The following PHEX variants were observed in gnomAD, a reference collection of about 807,000 sequenced individuals.
PHEX encodes the protein phosphate-regulating neutral endopeptidase PHEX.
A neutral mutation model predicts 68.0 loss-of-function variants in PHEX; 16 were observed. The ratio of observed to expected loss-of-function variants is 0.24; its 90% CI spans 0.16 to 0.36. The LOEUF is 0.36. Ranked by LOEUF, PHEX falls within the 10% of genes least tolerant of loss-of-function variation. The probability of loss-of-function intolerance (pLI) is 1.00; values close to 1 mark genes in which losing one functional copy is unlikely to be tolerated. For missense variants in PHEX, 480 were observed against 575.5 expected, an observed-to-expected ratio of 0.83 and a Z score of 1.70; for synonymous variants, 208 against 205.1, an observed-to-expected ratio of 1.01 and a Z score of -0.12.
intron 11 of PHEX, among the ~76,000 whole-genome samples, chrX:22,130,577 G>A (rs1159750695): frequency 9.4e-6 from 1 of 106,324 alleles, no homozygotes; most frequent in African/African-American, 3.5e-5. Flanking sequence ...AAAAAACTTA[G>A]GCATGCTGAT....
At chrX:22,234,833 CCACACACA>C (rs61094602) in intron 20 of PHEX, among the ~76,000 whole-genome samples, 57 of 86,629 alleles carry the variant, frequency 6.6e-4, no homozygotes, top group Middle Eastern at 6.4e-3. Flanking sequence ...AAAAAAAAAA[CCACACACA>C]CACACACAGA....
chrX:22,247,709 C>A, intron 21 of PHEX, 142 bp from the exon 22 acceptor site: 1 of 488,836 alleles, frequency 2.0e-6, no homozygotes, highest in Non-Finnish European at 3.6e-6. Context: ...TTTACTTAAT[C>A]ATTTTGGGCT....
At position 22,248,016 on chromosome X, in the gene PHEX, C is replaced by A; in HGVS notation, c.*63C>A. The A allele has an allele frequency of 2.6e-6, 2 of 778,855 alleles. No homozygotes were observed. The highest frequency in any genetic ancestry group is 4.0e-6 in the Non-Finnish European group (2 of 501,305). The allele number at this position is 778,855 out of a possible 1,213,427, so 64.2% of individuals were successfully genotyped here. On this transcript the variant is annotated 3_prime_UTR_variant, in exon 22 of 22. Transcript: ENST00000379374. ...CAGTGCCAGCGGAGGCTGCACTGAG[C>A]CTTCATCGCCCATTGCTTTAGGCCT... is the stretch of plus-strand genomic sequence containing the variant.
chrX:22,249,085 A>G lies in PHEX; in HGVS notation c.*1132A>G, dbSNP rs1012374771. 1 of 110,234 alleles carries G rather than the reference A, an allele frequency of 9.1e-6. No homozygotes were observed. Among genetic ancestry groups the G allele is most frequent in the Non-Finnish European group, 1.9e-5 (1 of 52,876 alleles). 9.1% of individuals were successfully genotyped at this position (110,234 alleles called of 1,213,427 possible). A position where few individuals can be genotyped will look rare whatever the true frequency, so the allele number is the denominator to read the frequency against. On this transcript the variant is annotated 3_prime_UTR_variant, in exon 22 of 22. Transcript: ENST00000379374. ...ATTGATTCAATTTAAAATTCCCTGC[A>G]TAGTCCAAATAAACATAATTTTTAC...
rs16981873 is a variant in PHEX, at chrX:22,227,205, C to T, written c.1966-302C>T. The stretch of plus-strand genomic sequence containing the variant: ...AAATGTATTGCCATAGGGGCCTTGC[C>T]ATTGTGTTAGATTTGTTTGTCCCCT... On this transcript the variant is annotated intron_variant, in intron 19 of 21. Coordinates refer to ENST00000379374, the MANE Select transcript of PHEX (RefSeq NM_000444.6). Among the ~76,000 whole-genome samples the T allele has an allele frequency of 0.034, 3,806 of 112,121 alleles. 158 individuals are homozygous for T. Among genetic ancestry groups the T allele is most frequent in the African/African-American group, 0.12 (3,606 of 30,816 alleles).
chrX:22,105,399 G>C (rs1306160402), intron 9 of PHEX, among the ~76,000 whole-genome samples: 2 of 111,927 alleles, frequency 1.8e-5, no homozygotes, highest in African/African-American at 6.5e-5. Flanking sequence ...CAGTCTGCTG[G>C]CCCCCCACCC....
chrX:22,046,718 C>T (rs1669307834), intron 2 of PHEX, among the ~76,000 whole-genome samples: 1 of 110,069 alleles, frequency 9.1e-6, no homozygotes, highest in Admixed American at 9.8e-5. Flanking sequence ...AGGCATGCAT[C>T]ACCATATCTG....
At chrX:22,183,818 C>G (rs1378793654) in intron 14 of PHEX, among the ~76,000 whole-genome samples, 1 of 111,424 alleles carries the variant, frequency 9.0e-6, no homozygotes, top group Admixed American at 9.5e-5. Context: ...TACAGTCAGT[C>G]TAATTGTTTG....
intron 15 of PHEX, among the ~76,000 whole-genome samples, chrX:22,206,156 G>A (rs1336808612): frequency 8.9e-6 from 1 of 112,168 alleles, no homozygotes; most frequent in Non-Finnish European, 1.9e-5. Flanking sequence ...TCATCTAGAA[G>A]GAAAATGAAA....
At chrX:22,164,080 T>C (rs1412074396) in intron 12 of PHEX, among the ~76,000 whole-genome samples, 1 of 111,653 alleles carries the variant, frequency 9.0e-6, no homozygotes, top group Non-Finnish European at 1.9e-5. Context: ...CACATATCTG[T>C]ATAAGGCTAC....
At chrX:22,164,969 A>G (rs751720805) in intron 12 of PHEX, among the ~76,000 whole-genome samples, 3 of 112,287 alleles carry the variant, frequency 2.7e-5, no homozygotes, top group Non-Finnish European at 5.6e-5. Context: ...TCTGTGAAAC[A>G]GCAAAACCCA....
At chrX:22,091,862 C>T (rs1929900115) in intron 6 of PHEX, among the ~76,000 whole-genome samples, 1 of 112,079 alleles carries the variant, frequency 8.9e-6, no homozygotes, top group South Asian at 3.7e-4. Flanking sequence ...GGAGCAAAGT[C>T]ACGTCTTACA....
chrX:22,168,302 C>T lies in PHEX; in HGVS notation c.1405-10C>T. ...AACTCTGACATTATTTTTCTTTTTC[C>T]TTTTTGTAGGCGAGAGCTGTTTTGG... On this transcript the variant is annotated splice_polypyrimidine_tract_variant and intron_variant, in intron 12 of 21. Coordinates refer to ENST00000379374, the MANE Select transcript of PHEX (RefSeq NM_000444.6). The T allele has an allele frequency of 8.6e-7, 1 of 1,166,267 alleles. No individual in the cohort carries two copies. Among genetic ancestry groups the T allele is most frequent in the Non-Finnish European group, 1.2e-6 (1 of 854,763 alleles).
At chrX:22,233,598 A>G (rs761902562) in intron 20 of PHEX, among the ~76,000 whole-genome samples, 4 of 110,556 alleles carry the variant, frequency 3.6e-5, no homozygotes, top group Non-Finnish European at 5.7e-5. Flanking sequence ...CGCTTGATCA[A>G]TTCGGCTATT....
chrX:22,172,912 C>T (rs1034805257), intron 13 of PHEX: 1 of 110,771 alleles, frequency 9.0e-6, no homozygotes, highest in African/African-American at 3.3e-5. Context: ...GTGATACACA[C>T]ATATATAGAC....
intron 20 of PHEX, among the ~76,000 whole-genome samples, chrX:22,242,365 C>A (rs752966921): frequency 1.8e-5 from 2 of 111,841 alleles, no homozygotes; most frequent in South Asian, 7.4e-4. Context: ...TGAAAACCAG[C>A]ACAAGACAAG....
rs1262185201 is a variant in PHEX at position 22,036,052 on chromosome X, A to ATTTT, written c.119-2416_119-2415insTTTT. Among the ~76,000 whole-genome samples, 17 of 58,388 alleles carry ATTTT rather than the reference A, an allele frequency of 2.9e-4. 1 individual carries two copies. The highest frequency in any genetic ancestry group is 6.6e-4 in the African/African-American group (8 of 12,212). 50.7% of individuals were successfully genotyped at this position (58,388 alleles called of 115,157 possible). ...CACACGTACATATATATATATATATATATTTTTTTTTTTTTTTTTTTTTTT... is the reference window on the plus strand; with the variant it reads ...CACACGTACATATATATATATATATATTTTTATTTTTTTTTTTTTTTTTTTTTTT... On this transcript the variant is annotated intron_variant, in intron 1 of 21. Transcript: ENST00000379374.
intron 3 of PHEX, among the ~76,000 whole-genome samples, chrX:22,052,994 C>T (rs1241500124): frequency 9.0e-6 from 1 of 111,136 alleles, no homozygotes. Flanking sequence ...AAGGAATACC[C>T]ATATCATAGG....
intron 12 of PHEX, among the ~76,000 whole-genome samples, chrX:22,142,623 T>C (rs1457886959): frequency 2.7e-5 from 3 of 112,441 alleles, no homozygotes; most frequent in Non-Finnish European, 5.6e-5. Context: ...CTTCCAGATT[T>C]ATCTATTGAA....
Sources: allele counts gnomAD v4.1 joint callset (sites outside exome capture counted in the v4.1 genomes callset), GRCh38; gene constraint gnomAD v4.1.1; transcripts MANE v1.5; gene names NCBI Gene and HGNC (gene_info 2026-07-23, HGNC 2026-07-21).